Variants in PCID2 observed in about 807,000 individuals in gnomAD.
PCID2 encodes PCI domain containing 2.
A neutral mutation model predicts 61.3 loss-of-function variants in PCID2; 41 were observed. The observed-to-expected ratio is 0.67, with a 90% CI of 0.52 to 0.87. PCID2 has a LOEUF of 0.87. Ranked by LOEUF, PCID2 falls within the 40% of genes least tolerant of loss-of-function variation. The probability of loss-of-function intolerance (pLI) is 0.00; values close to 1 mark genes in which losing one functional copy is unlikely to be tolerated. For synonymous variants in PCID2, 187 were observed against 177.8 expected (o/e 1.05, Z -0.41); for missense variants, 392 against 493.4 (o/e 0.79, Z 1.95).
the PCID2 span, chr13:113,170,520 T>C: frequency 2.6e-6 from 4 of 1,538,340 alleles, no homozygotes; most frequent in Non-Finnish European, 3.6e-6. Context: ...GGAATATTAC[T>C]GTAAAAACAT....
At chr13:113,189,233 C>A (rs1440652242) in intron 7 of PCID2, among the ~76,000 whole-genome samples, 3 of 152,162 alleles carry the variant, frequency 2.0e-5, no homozygotes, top group African/African-American at 7.2e-5. Flanking sequence ...CCTGAGGCCT[C>A]ACCAGAAGCA....
At chr13:113,177,220 C>G (rs562992896), downstream of PCID2, among the ~76,000 whole-genome samples, 2 of 152,336 alleles carry the variant, frequency 1.3e-5, no homozygotes, top group Admixed American at 1.3e-4. Context: ...TCACTGCAAC[C>G]TTTGCCTCCC....
rs11620091 is a variant in PCID2, at chr13:113,198,468, G to A, written c.127-204C>T. On this transcript the variant is annotated intron_variant, in intron 2 of 13. Transcript: ENST00000337344. Reference sequence around the variant, plus strand: ...TGTAATCCCAGCACTTTGGGAGGGCGAGGTGGGCAGATCACTTGAGGCTAG... The same window carrying A: ...TGTAATCCCAGCACTTTGGGAGGGCAAGGTGGGCAGATCACTTGAGGCTAG... Among the ~76,000 whole-genome samples, 984 of 152,262 alleles carry A rather than the reference G, an allele frequency of 6.5e-3. 9 individuals are homozygous for A. Among genetic ancestry groups the A allele is most frequent in the Non-Finnish European group, 9.3e-3 (631 of 68,024 alleles).
At chr13:113,191,118 G>A (rs1272115226) in intron 6 of PCID2, 143 bp from the exon 7 acceptor site, 2 of 478,742 alleles carry the variant, frequency 4.2e-6, no homozygotes, top group South Asian at 4.7e-5. Context: ...TCAGCCTCCT[G>A]AGGAGCTGGA....
the PCID2 span, among the ~76,000 whole-genome samples, chr13:113,168,016 C>A: frequency 2.0e-5 from 3 of 152,214 alleles, no homozygotes; most frequent in African/African-American, 4.8e-5. Flanking sequence ...GCCGACGCCA[C>A]ATCCGCTCGC....
chr13:113,197,445 C>T (rs2039099381), intron 3 of PCID2, among the ~76,000 whole-genome samples: 1 of 152,162 alleles, frequency 6.6e-6, no homozygotes, highest in Admixed American at 6.5e-5. Context: ...TTTCAAGTCC[C>T]AGAAGGACCT....
intron 13 of PCID2, 51 bp downstream of exon 13, chr13:113,178,915 G>A: frequency 6.4e-7 from 1 of 1,561,272 alleles, no homozygotes; most frequent in Non-Finnish European, 8.7e-7. Context: ...CAAATTCTGG[G>A]CTGAATCTTG....
chr13:113,172,920 G>A (rs980167826), downstream of PCID2, among the ~76,000 whole-genome samples: 1 of 152,196 alleles, frequency 6.6e-6, no homozygotes, highest in Non-Finnish European at 1.5e-5. Context: ...CACTGTTGTG[G>A]CTGGAGTGTG....
chr13:113,171,734 C>T, the PCID2 span: 1 of 1,612,190 alleles, frequency 6.2e-7, no homozygotes, highest in Non-Finnish European at 8.5e-7. The surrounding 1 kb of genome is among the most constrained non-coding windows in gnomAD (Gnocchi z 5.1). Context: ...AGGTGCGGGG[C>T]TCCCCGTGTG....
intron 1 of PCID2, among the ~76,000 whole-genome samples, chr13:113,204,371 A>G (rs894659897): frequency 3.9e-5 from 6 of 152,358 alleles, no homozygotes; most frequent in East Asian, 1.9e-4. Context: ...GCATACTTCA[A>G]TGACTAAACA....
intron 4 of PCID2, among the ~76,000 whole-genome samples, chr13:113,196,430 T>C (rs2039022609): frequency 6.6e-6 from 1 of 152,236 alleles, no homozygotes; most frequent in South Asian, 2.1e-4. Flanking sequence ...TAAATACACT[T>C]ATTTCATACA....
At chr13:113,203,389 A>G (rs1383281831) in intron 1 of PCID2, among the ~76,000 whole-genome samples, 1 of 152,202 alleles carries the variant, frequency 6.6e-6, no homozygotes, top group Non-Finnish European at 1.5e-5. Flanking sequence ...GGGCCCAAGT[A>G]TTATGGAAAC....
At chr13:113,165,065 G>A in the PCID2 span, 2 of 1,613,392 alleles carry the variant, frequency 1.2e-6, no homozygotes, top group South Asian at 1.1e-5. Context: ...CAGTGTGCCT[G>A]CGGGGTGCTG....
At chr13:113,208,455 C>G in intron 1 of PCID2, 144 bp downstream of exon 1, 1 of 1,523,314 alleles carries the variant, frequency 6.6e-7, no homozygotes, top group Non-Finnish European at 8.8e-7. Flanking sequence ...CTGTTCGGCT[C>G]GCGCGGCTGC....
chr13:113,191,062 A>G (rs1177862556), intron 6 of PCID2, 87 bp from the exon 7 acceptor site: 56 of 818,500 alleles, frequency 6.8e-5, no homozygotes, highest in Non-Finnish European at 1.0e-4. Context: ...GCACAATCAC[A>G]CCTCACTGCA....
chr13:113,206,757 G>A (rs1348454637), intron 1 of PCID2, among the ~76,000 whole-genome samples: 1 of 152,228 alleles, frequency 6.6e-6, no homozygotes, highest in African/African-American at 2.4e-5. Flanking sequence ...AGAATTAGGA[G>A]GAAGCGGACT....
At chr13:113,170,300 GGGGGGT>G in the PCID2 span, 64 of 664,586 alleles carry the variant, frequency 9.6e-5, no homozygotes, top group Middle Eastern at 7.9e-4. Context: ...TGCCTTTGGC[GGGGGGT>G]GGGGGTGGGG....
chr13:113,190,844 G>A, intron 7 of PCID2, 28 bp downstream of exon 7: 1 of 1,406,894 alleles, frequency 7.1e-7, no homozygotes. Flanking sequence ...AACAGCGTCT[G>A]GTGGTCGGTC....
the PCID2 span, among the ~76,000 whole-genome samples, chr13:113,171,088 A>T: frequency 6.6e-6 from 1 of 151,630 alleles, no homozygotes; most frequent in South Asian, 2.1e-4. The surrounding 1 kb of genome is among the most constrained non-coding windows in gnomAD (Gnocchi z 5.1). Flanking sequence ...ATATCCCACT[A>T]ATTTTTTGTA....
Sources: gnomAD v4.1 joint callset for allele counts (sites outside exome capture counted in the v4.1 genomes callset) on GRCh38, gnomAD v4.1.1 for gene constraint, Gnocchi (gnomAD v3.1) non-coding constraint, MANE v1.5 for transcripts, NCBI Gene and HGNC (gene_info 2026-07-23, HGNC 2026-07-21) for gene names.